Variants in MED13L observed in about 807,000 individuals in gnomAD.
The protein encoded by MED13L is mediator complex subunit 13L, also known as mediator of RNA polymerase II transcription subunit 13-like.
Under a neutral mutation model 220.9 loss-of-function variants are expected in MED13L, and 7 were observed. The observed-to-expected ratio is 0.03, with a 90% CI of 0.02 to 0.06. The LOEUF is 0.06. Among genes scored for constraint, MED13L ranks in the 10% least tolerant of loss-of-function variants. MED13L has a pLI of 1.00. For synonymous variants in MED13L, 1,011 were observed against 1,015.2 expected (o/e 1.00, Z 0.08); for missense variants, 1,965 against 2,760.5 (o/e 0.71, Z 6.46).
At chr12:115,971,304 G>T (rs1352929518) in intron 26 of MED13L, among the ~76,000 whole-genome samples, 1 of 152,120 alleles carries the variant, frequency 6.6e-6, no homozygotes, top group Non-Finnish European at 1.5e-5. Flanking sequence ...TTACGTAACT[G>T]CCCAAGTGGT....
At chr12:115,986,816 G>A (rs1006842760) in intron 18 of MED13L, among the ~76,000 whole-genome samples, 6 of 152,116 alleles carry the variant, frequency 3.9e-5, no homozygotes, top group African/African-American at 9.7e-5. Flanking sequence ...AGACAGAACT[G>A]GCCCAGAAGT....
Position 116,231,585 on chromosome 12 carries a change from G to C in MED13L, c.310+5883C>G, listed in dbSNP as rs530415458. ...TCCTGATTGCATTCTGGATCAGAGAGAGAGAAAACTATAAAAGGTATTGCT... is the reference window on the plus strand; with the variant it reads ...TCCTGATTGCATTCTGGATCAGAGACAGAGAAAACTATAAAAGGTATTGCT... On this transcript the variant is annotated intron_variant, in intron 2 of 30. Transcript: ENST00000281928. Among the ~76,000 whole-genome samples, 5 of 152,276 alleles carry C rather than the reference G, an allele frequency of 3.3e-5. No homozygotes were observed. The South Asian group carries it at 1.0e-3, about 32-fold the overall frequency.
chr12:115,995,519 G>A (rs576734541), intron 16 of MED13L, among the ~76,000 whole-genome samples: 1 of 152,274 alleles, frequency 6.6e-6, no homozygotes, highest in South Asian at 2.1e-4. Context: ...CGCCTCGTGA[G>A]TTCAAGTGAT....
At position 115,986,369 on chromosome 12, in the gene MED13L, T is replaced by C. The variant is rs1190857852; in HGVS notation, c.4235A>G (p.Tyr1412Cys). Residue 1412 changes from tyrosine to cysteine, a missense_variant, in exon 19 of 31, where the codon TAT becomes TGT. Physicochemically the swap from Tyr to Cys is radical, Grantham distance 194. Around this residue, in one of 10 missense-constraint regions of MED13L, gnomAD observed 510 missense variants for 620.4 expected, o/e 0.82. Coordinates refer to ENST00000281928, the MANE Select transcript of MED13L (RefSeq NM_015335.5). ...PFWERLLLDP[Y>C]GGHRDVAYIV... is the part of the protein sequence containing the mutation. Reference sequence around the variant, plus strand: ...ATAGGCAACATCACGGTGGCCCCCATATGGGTCCAACAAGAGCCTCTCCCA... The same window carrying C: ...ATAGGCAACATCACGGTGGCCCCCACATGGGTCCAACAAGAGCCTCTCCCA... The C allele has an allele frequency of 3.1e-6, 5 of 1,613,980 alleles. No homozygotes were observed. Among genetic ancestry groups the C allele is most frequent in the Non-Finnish European group, 4.2e-6 (5 of 1,180,008 alleles).
chr12:116,191,435 A>G (rs1214202063), intron 2 of MED13L, among the ~76,000 whole-genome samples: 1 of 151,920 alleles, frequency 6.6e-6, no homozygotes, highest in Non-Finnish European at 1.5e-5. Flanking sequence ...GGTTCAAGCA[A>G]TTCTCCTGCC....
At chr12:116,218,686 C>CT (rs150584359) in intron 2 of MED13L, among the ~76,000 whole-genome samples, 12,186 of 152,024 alleles carry the variant, frequency 0.08, 507 homozygotes, top group South Asian at 0.099. Flanking sequence ...AACAGGAGGG[C>CT]TTATCAGCAT....
At chr12:115,964,370 T>C (rs1056088641) in intron 29 of MED13L, among the ~76,000 whole-genome samples, 5 of 152,184 alleles carry the variant, frequency 3.3e-5, no homozygotes, top group African/African-American at 1.2e-4. Context: ...ATTAAAGGCA[T>C]GAAATGTCTA....
chr12:115,981,505 A>G (rs766714520), intron 22 of MED13L, among the ~76,000 whole-genome samples: 1 of 152,230 alleles, frequency 6.6e-6, no homozygotes, highest in Non-Finnish European at 1.5e-5. Flanking sequence ...ATTACACTAT[A>G]AAGCTGTCAA....
rs1424927850 is a variant in MED13L, at chr12:116,014,011, A to T, written c.1175+1098T>A. Among the ~76,000 whole-genome samples, 3 of 152,260 alleles carry T rather than the reference A, an allele frequency of 2.0e-5. No individual in the cohort carries two copies. In the East Asian group the frequency reaches 5.8e-4, roughly 29 times the overall value. ...TAATCTAGGCATTGCAGATGGAAGTAAAAATATCTGTACCAATTATTCTAA... is the reference window on the plus strand; with the variant it reads ...TAATCTAGGCATTGCAGATGGAAGTTAAAATATCTGTACCAATTATTCTAA... On this transcript the variant is annotated intron_variant, in intron 8 of 30. Transcript: ENST00000281928.
At chr12:116,187,261 G>A (rs765612198) in intron 2 of MED13L, among the ~76,000 whole-genome samples, 3 of 152,174 alleles carry the variant, frequency 2.0e-5, no homozygotes, top group East Asian at 1.9e-4. Flanking sequence ...TCTCACTTAC[G>A]TGTTCTTTGG....
Position 115,982,570 on chromosome 12 carries a change from C to G in MED13L, c.4989G>C (p.Thr1663=). The change falls in exon 22 of 31, where the codon ACG becomes ACC. Residue 1663 remains threonine (T), a synonymous_variant. Transcript: ENST00000281928. ...VTERERIGIP[T]EPDSADSHAH... is the part of the protein sequence containing the mutation. ...CATGGCTGTCTGCAGAGTCAGGCTCCGTGGGAATTCCTATTCTCTCCCTTT... is the reference window on the plus strand; with the variant it reads ...CATGGCTGTCTGCAGAGTCAGGCTCGGTGGGAATTCCTATTCTCTCCCTTT... The G allele has an allele frequency of 6.2e-7, 1 of 1,614,038 alleles. No individual in the cohort carries two copies.
chr12:116,018,528 T>C (rs994732117), intron 7 of MED13L, among the ~76,000 whole-genome samples: 3 of 152,192 alleles, frequency 2.0e-5, no homozygotes, highest in Non-Finnish European at 4.4e-5. Context: ...TCAAGTATGA[T>C]GAGTATCCTT....
At chr12:116,137,260 A>T (rs946600454) in intron 2 of MED13L, among the ~76,000 whole-genome samples, 3 of 152,178 alleles carry the variant, frequency 2.0e-5, no homozygotes, top group Non-Finnish European at 4.4e-5. Flanking sequence ...TGGTGGTATG[A>T]TAAAGATGAG....
intron 2 of MED13L, among the ~76,000 whole-genome samples, chr12:116,205,170 G>A (rs1882233922): frequency 1.3e-5 from 2 of 152,186 alleles, no homozygotes; most frequent in African/African-American, 4.8e-5. Context: ...AAGAGAAAGA[G>A]AAGTCAGATT....
chr12:116,175,789 G>C (rs1166147255), intron 2 of MED13L, among the ~76,000 whole-genome samples: 1 of 152,066 alleles, frequency 6.6e-6, no homozygotes, highest in Non-Finnish European at 1.5e-5. Flanking sequence ...ATTCAAACAT[G>C]GGTAAATAAC....
chr12:116,034,848 A>T (rs1383749950), intron 4 of MED13L, among the ~76,000 whole-genome samples: 2 of 152,130 alleles, frequency 1.3e-5, no homozygotes, highest in Admixed American at 1.3e-4. Flanking sequence ...TCTACTAAAA[A>T]TACAAAAATT....
rs1007134305 is a variant in MED13L at position 116,041,837 on chromosome 12, AACAG to A, written c.480-19240_480-19237del. 1.9e-4 allele frequency among the ~76,000 whole-genome samples: 29 copies of A among 152,344 alleles called. No individual in the cohort carries two copies. The East Asian group carries it at 4.8e-3, about 25-fold the overall frequency. ...GCGACAGAGCGAGACTCTGTCTCAAAACAGACAGACAAACAAACAAACAAACAAA... is the reference window on the plus strand; with the variant it reads ...GCGACAGAGCGAGACTCTGTCTCAAAACAGACAAACAAACAAACAAACAAA... On this transcript the variant is annotated intron_variant, in intron 4 of 30. Transcript: ENST00000281928.
intron 7 of MED13L, among the ~76,000 whole-genome samples, chr12:116,016,909 T>C (rs958497620): frequency 6.6e-6 from 1 of 152,190 alleles, no homozygotes; most frequent in Non-Finnish European, 1.5e-5. Flanking sequence ...AAGGAGAACC[T>C]TGGTGTTTTT....
intron 4 of MED13L, among the ~76,000 whole-genome samples, chr12:116,055,560 T>G (rs1343022625): frequency 6.6e-6 from 1 of 152,194 alleles, no homozygotes; most frequent in Non-Finnish European, 1.5e-5. Flanking sequence ...CAAGAAGAGT[T>G]ACAGAACTAA....
Sources: gnomAD v4.1 joint callset for allele counts (sites outside exome capture counted in the v4.1 genomes callset) on GRCh38, gnomAD v4.1.1 for gene constraint, gnomAD v4.1.1 regional missense constraint, MANE v1.5 for transcripts, NCBI Gene and HGNC (gene_info 2026-07-23, HGNC 2026-07-21) for gene names.